OTUB2: variants seen among roughly 807,000 people sequenced by gnomAD.
OTUB2 encodes the protein ubiquitin thioesterase OTUB2.
A neutral mutation model predicts 25.1 loss-of-function variants in OTUB2; 21 were observed. The observed-to-expected ratio is 0.84, with a 90% confidence interval of 0.59 to 1.21. The LOEUF is 1.21. Among genes scored for constraint, OTUB2 ranks in the 50% most tolerant of loss-of-function variants. OTUB2 has a pLI of 0.00. For synonymous variants in OTUB2, 122 were observed against 122.8 expected, an observed-to-expected ratio of 0.99 and a Z score of 0.04; for missense variants, 283 against 298.0, an observed-to-expected ratio of 0.95 and a Z score of 0.37.
chr14:94,046,085 G>A lies in OTUB2; in HGVS notation c.*163G>A. 1.4e-6 allele frequency: 1 copy of A among 715,812 alleles called. No individual in the cohort carries two copies. The highest frequency in any genetic ancestry group is 2.7e-5 in the East Asian group (1 of 36,972). The allele number at this position is 715,812 out of a possible 1,614,324, so 44.3% of individuals were successfully genotyped here. On this transcript the variant is annotated 3_prime_UTR_variant, in exon 6 of 6. Coordinates refer to ENST00000203664, the MANE Select transcript of OTUB2 (RefSeq NM_023112.4). Reference sequence around the variant, plus strand: ...CGAGGCCTATCCACTATGGACTATGGTAACTTGGTAGGATTTTTAGTATTT... The same window carrying A: ...CGAGGCCTATCCACTATGGACTATGATAACTTGGTAGGATTTTTAGTATTT...
intron 1 of OTUB2, among the ~76,000 whole-genome samples, chr14:94,031,246 A>T (rs1435971078): frequency 6.6e-6 from 1 of 151,922 alleles, no homozygotes; most frequent in Non-Finnish European, 1.5e-5. Context: ...CAGAAAAAAA[A>T]AAAAAAGAAA....
At chr14:94,045,517 G>T (rs1020238583) in intron 5 of OTUB2, among the ~76,000 whole-genome samples, 199 bp from the exon 6 acceptor site, 9 of 152,108 alleles carry the variant, frequency 5.9e-5, no homozygotes, top group African/African-American at 1.9e-4. Context: ...CAATTGTAGC[G>T]ATTTCTAGCT....
chr14:94,036,753 TGAA>T (rs887566207), intron 1 of OTUB2, among the ~76,000 whole-genome samples: 1 of 152,150 alleles, frequency 6.6e-6, no homozygotes, highest in African/African-American at 2.4e-5. Flanking sequence ...AGGTGGTGCA[TGAA>T]GATGCCCTCC....
In OTUB2 at chr14:94,037,350, C is replaced by T. The variant is rs1489825927; in HGVS notation, c.4-30C>T. 4 of 1,508,418 alleles carry T rather than the reference C, an allele frequency of 2.7e-6. No homozygotes were observed. The Admixed American group carries it at 6.8e-5, about 26-fold the overall frequency. The allele number at this position is 1,508,418 out of a possible 1,614,324, so 93.4% of individuals were successfully genotyped here. On this transcript the variant is annotated intron_variant, in intron 1 of 5. Coordinates refer to ENST00000203664, the MANE Select transcript of OTUB2 (RefSeq NM_023112.4). ...TCCCGTCCGTTGCTTTTGAAATTGTCACAGCATTTCTTCCTTCCCTATCTT... is the reference window on the plus strand; with the variant it reads ...TCCCGTCCGTTGCTTTTGAAATTGTTACAGCATTTCTTCCTTCCCTATCTT...
chr14:94,042,905 G>T (rs761093665), intron 3 of OTUB2, among the ~76,000 whole-genome samples: 12 of 152,202 alleles, frequency 7.9e-5, no homozygotes, highest in Admixed American at 3.3e-4. Context: ...GACTTGACAG[G>T]GCTGGAGGGG....
Position 94,026,612 on chromosome 14 carries a change from G to A in OTUB2, c.3+72G>A, listed in dbSNP as rs1246835775. 4.2e-6 allele frequency: 5 copies of A among 1,185,848 alleles called. No homozygotes were observed. The East Asian group carries it at 1.3e-4, about 31-fold the overall frequency. 73.5% of individuals were successfully genotyped at this position (1,185,848 alleles called of 1,614,324 possible). A position where few individuals can be genotyped will look rare whatever the true frequency, so the allele number is the denominator to read the frequency against. ...GGTGGGCGGGGTCGCTGCCGGAGCG[G>A]GTGCACCCGCGGGACGGGGGTCGGA... On this transcript the variant is annotated intron_variant, in intron 1 of 5. Transcript: ENST00000203664.
chr14:94,043,879 G>A, intron 3 of OTUB2, 92 bp from the exon 4 acceptor site: 1 of 1,147,628 alleles, frequency 8.7e-7, no homozygotes, highest in Non-Finnish European at 1.3e-6. Flanking sequence ...TGAGGTTGGT[G>A]GGCGCAGTGG....
chr14:94,034,957 A>AT (rs1885023457), intron 1 of OTUB2, among the ~76,000 whole-genome samples: 1 of 152,300 alleles, frequency 6.6e-6, no homozygotes, highest in South Asian at 2.1e-4. Context: ...CTACCCAGTC[A>AT]TTTTTCATCA....
chr14:94,045,829 C>A lies in OTUB2; in HGVS notation c.612C>A (p.Asn204Lys). 3 of 1,614,236 alleles carry A rather than the reference C, an allele frequency of 1.9e-6. No homozygotes were observed. The highest frequency in any genetic ancestry group is 2.5e-6 in the Non-Finnish European group (3 of 1,180,046). The change falls in exon 6 of 6, where the codon AAC becomes AAA. Residue 204 changes from asparagine (N) to lysine (K), a missense_variant. Physicochemically the swap from Asn to Lys is moderately conservative, Grantham distance 94. Transcript: ENST00000203664. ...TGGACGAGATGGATACCGCCCTGAA[C>A]CACCACGTGTTCCCTGAGGCCGCCA... ...EYVDEMDTAL[N>K]HHVFPEAATP...
chr14:94,039,228 G>A (rs375506457), intron 3 of OTUB2, 147 bp downstream of exon 3: 33 of 660,092 alleles, frequency 5.0e-5, no homozygotes, highest in South Asian at 3.6e-4. Context: ...TGATGTTGGG[G>A]GTGCCCAGCT....
intron 1 of OTUB2, among the ~76,000 whole-genome samples, chr14:94,028,201 C>T (rs1469466331): frequency 6.6e-6 from 1 of 152,222 alleles, no homozygotes; most frequent in Non-Finnish European, 1.5e-5. Flanking sequence ...TAAAATATGA[C>T]GTCTGTCTGG....
intron 3 of OTUB2, among the ~76,000 whole-genome samples, chr14:94,042,268 T>C (rs1188218589): frequency 6.6e-6 from 1 of 152,118 alleles, no homozygotes; most frequent in Admixed American, 6.6e-5. Flanking sequence ...CAGGCTTGTG[T>C]GCAGCCCCAG....
At chr14:94,043,731 G>A (rs1162708967) in intron 3 of OTUB2, among the ~76,000 whole-genome samples, 3 of 152,202 alleles carry the variant, frequency 2.0e-5, no homozygotes, top group Non-Finnish European at 2.9e-5. Context: ...CGCCCTTGTC[G>A]TATCGTCTTT....
intron 1 of OTUB2, among the ~76,000 whole-genome samples, chr14:94,027,473 C>T (rs1445742031): frequency 1.3e-5 from 2 of 152,236 alleles, no homozygotes; most frequent in Non-Finnish European, 2.9e-5. Context: ...TCAAGTCTCA[C>T]TTCCACCTGT....
intron 3 of OTUB2, 65 bp downstream of exon 3, chr14:94,039,146 C>T (rs1885113273): frequency 7.6e-7 from 1 of 1,313,248 alleles, no homozygotes; most frequent in Non-Finnish European, 1.1e-6. Context: ...CCTCAAGTCT[C>T]TCGGAGGTTT....
chr14:94,029,105 G>A (rs573177307), intron 1 of OTUB2, among the ~76,000 whole-genome samples: 1 of 152,212 alleles, frequency 6.6e-6, no homozygotes, highest in Admixed American at 6.5e-5. Context: ...TGTGCTGTGG[G>A]GTTTGGGTTT....
chr14:94,029,557 A>T (rs1884920984), intron 1 of OTUB2, among the ~76,000 whole-genome samples: 1 of 152,172 alleles, frequency 6.6e-6, no homozygotes, highest in Non-Finnish European at 1.5e-5. Context: ...CACCAGTCGT[A>T]TTGAATTAGA....
chr14:94,037,312 C>A, intron 1 of OTUB2, 68 bp from the exon 2 acceptor site: 2 of 1,160,998 alleles, frequency 1.7e-6, no homozygotes, highest in Non-Finnish European at 2.5e-6. Context: ...TCAGAGGCCA[C>A]CAGCTCGGGG....
At chr14:94,028,125 G>A (rs11628447) in intron 1 of OTUB2, among the ~76,000 whole-genome samples, 16,908 of 152,250 alleles carry the variant, frequency 0.11, 1,037 homozygotes, top group Middle Eastern at 0.19. Context: ...GGCAGATGGG[G>A]TCCAAAGCCC....
Sources: gnomAD v4.1 joint callset for allele counts (sites outside exome capture counted in the v4.1 genomes callset) on GRCh38, gnomAD v4.1.1 for gene constraint, MANE v1.5 for transcripts, NCBI Gene and HGNC (gene_info 2026-07-23, HGNC 2026-07-21) for gene names.